The following NUBPL variants were observed in gnomAD, a reference collection of about 807,000 sequenced individuals.
NUBPL encodes NUBP iron-sulfur cluster assembly factor, mitochondrial.
NUBPL carries 31 observed loss-of-function variants against 45.7 expected under a neutral mutation model. That is an observed-to-expected ratio of 0.68 (90% CI 0.51 to 0.92). The LOEUF is 0.92. Ranked by LOEUF, NUBPL falls within the 40% of genes least tolerant of loss-of-function variation. NUBPL has a pLI of 0.00. For synonymous variants in NUBPL, 144 were observed against 140.9 expected (o/e 1.02, Z -0.15); for missense variants, 401 against 398.7 (o/e 1.01, Z -0.05).
intron 6 of NUBPL, among the ~76,000 whole-genome samples, chr14:31,709,660 A>G (rs1203525044): frequency 6.6e-6 from 1 of 152,256 alleles, no homozygotes. Flanking sequence ...TTATGTACCT[A>G]TCAGGATCAT....
At chr14:31,645,805 GTCATTTTACGTT>G (rs2035836095) in intron 4 of NUBPL, among the ~76,000 whole-genome samples, 1 of 123,710 alleles carries the variant, frequency 8.1e-6, no homozygotes, top group Admixed American at 9.6e-5. Context: ...CTTTTGTTGT[GTCATTTTACGTT>G]TTTATTTTAC....
intron 4 of NUBPL, among the ~76,000 whole-genome samples, chr14:31,631,469 T>TACAC (rs914378149): frequency 9.9e-5 from 14 of 141,078 alleles, no homozygotes; most frequent in African/African-American, 3.4e-4. Flanking sequence ...GAACCAATAA[T>TACAC]ACACACACAC....
chr14:31,771,960 C>T lies in NUBPL; in HGVS notation c.514-15820C>T, dbSNP rs1246666428. Reference sequence around the variant, plus strand: ...GTATGCTAGTCTAACGCAGTAATGTCCTTCAAGTGCTCTAATACCTTAACC... The same window carrying T: ...GTATGCTAGTCTAACGCAGTAATGTTCTTCAAGTGCTCTAATACCTTAACC... On this transcript the variant is annotated intron_variant, in intron 6 of 10. Coordinates refer to ENST00000281081, the MANE Select transcript of NUBPL (RefSeq NM_025152.3). 12 of 798,758 alleles carry T rather than the reference C, an allele frequency of 1.5e-5. No homozygotes were observed. In the African/African-American group the frequency reaches 2.2e-4, roughly 15 times the overall value. The allele number at this position is 798,758 out of a possible 1,614,324, so 49.5% of individuals were successfully genotyped here. A position where few individuals can be genotyped will look rare whatever the true frequency, so the allele number is the denominator to read the frequency against.
intron 6 of NUBPL, among the ~76,000 whole-genome samples, chr14:31,779,423 T>C (rs1355708998): frequency 1.3e-5 from 2 of 151,650 alleles, no homozygotes; most frequent in Admixed American, 1.3e-4. Context: ...CGTGACAGAG[T>C]ATGGAATGGA....
intron 7 of NUBPL, among the ~76,000 whole-genome samples, chr14:31,809,492 T>C (rs953745648): frequency 6.6e-6 from 1 of 152,216 alleles, no homozygotes; most frequent in African/African-American, 2.4e-5. Context: ...TTGTGTCTTT[T>C]TGATTCTTCT....
At chr14:31,602,402 A>G (rs1464397022) in intron 4 of NUBPL, among the ~76,000 whole-genome samples, 6 of 102,972 alleles carry the variant, frequency 5.8e-5, no homozygotes, top group African/African-American at 4.1e-4. Flanking sequence ...TAGAAAAAAA[A>G]AAGAAAAAAA....
intron 8 of NUBPL, among the ~76,000 whole-genome samples, chr14:31,829,021 C>T (rs907536829): frequency 6.6e-6 from 1 of 152,162 alleles, no homozygotes; most frequent in African/African-American, 2.4e-5. Flanking sequence ...CATAGGACTA[C>T]TTCAGGGATC....
At chr14:31,730,690 T>A (rs573301457) in intron 6 of NUBPL, among the ~76,000 whole-genome samples, 40 of 152,148 alleles carry the variant, frequency 2.6e-4, no homozygotes, top group African/African-American at 9.2e-4. Context: ...ATGGTCTCGA[T>A]CTCCTGACCT....
intron 10 of NUBPL, among the ~76,000 whole-genome samples, chr14:31,857,752 A>G (rs1184886029): frequency 6.6e-6 from 1 of 152,136 alleles, no homozygotes; most frequent in Non-Finnish European, 1.5e-5. Flanking sequence ...CCTCATCTCC[A>G]TCTGAGACCA....
intron 4 of NUBPL, among the ~76,000 whole-genome samples, chr14:31,620,435 T>C (rs1259358003): frequency 1.3e-5 from 2 of 152,182 alleles, no homozygotes; most frequent in Admixed American, 1.3e-4. Context: ...TTTTGTCTTT[T>C]ATGTTAGTGT....
At chr14:31,636,514 G>T (rs2139679718) in intron 4 of NUBPL, among the ~76,000 whole-genome samples, 1 of 152,142 alleles carries the variant, frequency 6.6e-6, no homozygotes, top group East Asian at 1.9e-4. Context: ...GAGGATTTTT[G>T]CATCAATGTT....
intron 6 of NUBPL, among the ~76,000 whole-genome samples, chr14:31,712,447 G>A (rs547221699): frequency 4.6e-5 from 7 of 152,310 alleles, no homozygotes; most frequent in Non-Finnish European, 1.0e-4. Context: ...CTGTGGAGCC[G>A]TGCCCACCCA....
rs191968105 is a variant in NUBPL at position 31,776,235 on chromosome 14, T to G, written c.514-11545T>G. ...TTTGCTAGTTCTTATTTCCCTATAC[T>G]TAGTAAAATATAATTTATACAACAG... On this transcript the variant is annotated intron_variant, in intron 6 of 10. Transcript: ENST00000281081. Among the ~76,000 whole-genome samples, 170 of 152,308 alleles carry G rather than the reference T, an allele frequency of 1.1e-3. No individual in the cohort carries two copies. The Middle Eastern group carries it at 0.014, about 12-fold the overall frequency.
intron 4 of NUBPL, among the ~76,000 whole-genome samples, chr14:31,664,033 C>T (rs1312064742): frequency 1.3e-5 from 2 of 152,136 alleles, no homozygotes; most frequent in African/African-American, 4.8e-5. Flanking sequence ...ATTTGGCTCT[C>T]TGTTTGTCTG....
At chr14:31,680,822 A>G (rs2036815578) in intron 6 of NUBPL, among the ~76,000 whole-genome samples, 1 of 152,156 alleles carries the variant, frequency 6.6e-6, no homozygotes, top group African/African-American at 2.4e-5. Flanking sequence ...GTCTGTACAT[A>G]TTCAGTACAG....
At chr14:31,731,995 G>T (rs1394321414) in intron 6 of NUBPL, among the ~76,000 whole-genome samples, 3 of 151,798 alleles carry the variant, frequency 2.0e-5, no homozygotes, top group Non-Finnish European at 4.4e-5. Context: ...GAGGTCAGGA[G>T]AGCTAGACTA....
rs192367492 is a variant in NUBPL at position 31,598,734 on chromosome 14, G to A, written c.292-555G>A. Among the ~76,000 whole-genome samples, 95 of 152,274 alleles carry A rather than the reference G, an allele frequency of 6.2e-4. No homozygotes were observed. In the East Asian group the frequency reaches 0.013, roughly 20 times the overall value. ...GACTTGCATATAAGAGGTTGTCTCTGTGTTAGGTGTGCCAGTATCCTTGTT... is the reference window on the plus strand; with the variant it reads ...GACTTGCATATAAGAGGTTGTCTCTATGTTAGGTGTGCCAGTATCCTTGTT... On this transcript the variant is annotated intron_variant, in intron 3 of 10. Coordinates refer to ENST00000281081, the MANE Select transcript of NUBPL (RefSeq NM_025152.3).
chr14:31,719,493 A>G (rs1322855261), intron 6 of NUBPL, among the ~76,000 whole-genome samples: 2 of 151,666 alleles, frequency 1.3e-5, no homozygotes, highest in Non-Finnish European at 2.9e-5. Flanking sequence ...CCTAAAGGAA[A>G]AAAAAAAAAC....
chr14:31,641,250 A>T (rs1020959035), intron 4 of NUBPL, among the ~76,000 whole-genome samples: 4 of 152,110 alleles, frequency 2.6e-5, no homozygotes, highest in Non-Finnish European at 5.9e-5. Context: ...GCGCCTGGCC[A>T]ATCTTATTTC....
Sources: allele counts gnomAD v4.1 joint callset (sites outside exome capture counted in the v4.1 genomes callset), GRCh38; gene constraint gnomAD v4.1.1; transcripts MANE v1.5; gene names NCBI Gene and HGNC (gene_info 2026-07-23, HGNC 2026-07-21).